The following KLC1 variants were observed in gnomAD, a reference collection of about 807,000 sequenced individuals.
KLC1 encodes kinesin 2 60/70kDa.
A neutral mutation model predicts 84.2 loss-of-function variants in KLC1; 30 were observed. The ratio of observed to expected loss-of-function variants is 0.36; its 90% confidence interval spans 0.27 to 0.48. KLC1 has a LOEUF of 0.48. KLC1 is among the 20% of genes least tolerant of loss of function. The probability of loss-of-function intolerance (pLI) is 0.99; values close to 1 mark genes in which losing one functional copy is unlikely to be tolerated. For missense variants in KLC1, 499 were observed against 805.4 expected (o/e 0.62, Z 4.60); for synonymous variants, 289 against 293.3 (o/e 0.99, Z 0.15).
Position 103,669,544 on chromosome 14 carries a change from A to C in KLC1, c.831A>C (p.Leu277=), listed in dbSNP as rs764002704. The C allele has an allele frequency of 1.9e-6, 3 of 1,612,826 alleles. No individual in the cohort carries two copies. In the Admixed American group the frequency reaches 5.0e-5, roughly 27 times the overall value. Residue 277 remains leucine, a synonymous_variant, in exon 6 of 17, where the codon CTA becomes CTC. Transcript: ENST00000334553. The stretch of plus-strand genomic sequence containing the variant: ...ATAAATACAAAGATGCAGCTAACCT[A>C]CTGAATGATGCCTTGGCTATTCGTG... ...DQNKYKDAAN[L]LNDALAIREK...
intron 13 of KLC1, chr14:103,685,020 T>C: frequency 7.0e-7 from 1 of 1,419,334 alleles, no homozygotes; most frequent in African/African-American, 1.4e-5. Context: ...GTTAACTGAC[T>C]TGCTCAGCGT....
chr14:103,651,459 T>TTATTTTATTTTTCC (rs1174358126), intron 1 of KLC1, among the ~76,000 whole-genome samples: 1 of 152,178 alleles, frequency 6.6e-6, no homozygotes, highest in East Asian at 1.9e-4. Flanking sequence ...GAGTTTAACT[T>TTATTTTATTTTTCC]TATTTTATTT....
At chr14:103,638,447 A>G (rs554098434) in intron 1 of KLC1, among the ~76,000 whole-genome samples, 21 of 151,872 alleles carry the variant, frequency 1.4e-4, no homozygotes, top group Admixed American at 1.1e-3. Flanking sequence ...GTGATTTTTA[A>G]TGTATTCTCT....
At position 103,693,090 on chromosome 14, in the gene KLC1, C is replaced by G. The variant is rs1281129819; in HGVS notation, c.1848+665C>G. 6.6e-6 allele frequency among the ~76,000 whole-genome samples: 1 copy of G among 152,242 alleles called. No homozygotes were observed. The highest frequency in any genetic ancestry group is 2.4e-5 in the African/African-American group (1 of 41,468). On this transcript the variant is annotated intron_variant, in intron 15 of 16. Transcript: ENST00000334553. This position sits in a 1 kb window ranked among gnomAD's most constrained non-coding sequence, Gnocchi z 5.1. ...CCTGGGGCCCACCCGGCAGCTCGAG[C>G]TGTTGGGACTTGGCAGTCCCTGCCC...
chr14:103,670,912 C>T (rs1232946919), intron 7 of KLC1, among the ~76,000 whole-genome samples: 2 of 151,078 alleles, frequency 1.3e-5, no homozygotes, highest in Admixed American at 6.6e-5. Flanking sequence ...AGTGAGACCT[C>T]GTCTCTAAAG....
chr14:103,685,581 G>A, intron 13 of KLC1: 2 of 1,289,262 alleles, frequency 1.6e-6, no homozygotes, highest in Non-Finnish European at 2.0e-6. Flanking sequence ...TGCAGAGCCT[G>A]TTGCCTTTCC....
intron 1 of KLC1, among the ~76,000 whole-genome samples, chr14:103,635,903 C>G (rs2077008739): frequency 6.6e-6 from 1 of 152,152 alleles, no homozygotes; most frequent in Admixed American, 6.6e-5. Flanking sequence ...GCGGTATAAG[C>G]TTTGAATCAC....
intron 13 of KLC1, chr14:103,683,473 T>C (rs542904517): frequency 1.3e-5 from 2 of 152,218 alleles, no homozygotes; most frequent in Non-Finnish European, 2.9e-5. Context: ...TGGGTAAAAC[T>C]GGGTCTTCTA....
At chr14:103,633,392 T>G (rs940021863) in intron 1 of KLC1, among the ~76,000 whole-genome samples, 3 of 152,092 alleles carry the variant, frequency 2.0e-5, no homozygotes, top group African/African-American at 7.2e-5. Context: ...CAGTTGCCAC[T>G]TTAGAAAGAG....
intron 7 of KLC1, among the ~76,000 whole-genome samples, chr14:103,671,044 C>T (rs1329981083): frequency 6.6e-6 from 1 of 152,096 alleles, no homozygotes; most frequent in African/African-American, 2.4e-5. Flanking sequence ...GAAGACATGT[C>T]TGAGGACTAG....
intron 5 of KLC1, among the ~76,000 whole-genome samples, chr14:103,665,873 G>C (rs1434670827): frequency 6.6e-6 from 1 of 152,222 alleles, no homozygotes; most frequent in Admixed American, 6.5e-5. Context: ...GCGCCACCCT[G>C]GAGGTGGGGG....
chr14:103,693,932 C>G lies in KLC1; in HGVS notation c.1848+1507C>G, dbSNP rs967542509. The G allele has an allele frequency of 4.1e-6, 5 of 1,230,422 alleles. No individual in the cohort carries two copies. In the African/African-American group the frequency reaches 6.2e-5, roughly 15 times the overall value. 76.2% of individuals were successfully genotyped at this position (1,230,422 alleles called of 1,614,324 possible). On this transcript the variant is annotated intron_variant, in intron 15 of 16. Coordinates refer to ENST00000334553, the MANE Select transcript of KLC1 (RefSeq NM_001394837.1). The surrounding 1 kb of genome is among the most constrained non-coding windows in gnomAD (Gnocchi z 5.1). Reference sequence around the variant, plus strand: ...TGGCTCCTGCTCACGGATGCTGTTGCATTTCCTGCCTGCCACCTTTTTGCC... The same window carrying G: ...TGGCTCCTGCTCACGGATGCTGTTGGATTTCCTGCCTGCCACCTTTTTGCC...
chr14:103,674,715 T>C (rs1489147065), intron 9 of KLC1, among the ~76,000 whole-genome samples: 1 of 152,222 alleles, frequency 6.6e-6, no homozygotes, highest in Non-Finnish European at 1.5e-5. Flanking sequence ...GCACCCGGCC[T>C]TGATTTGTAT....
At chr14:103,640,620 A>G (rs2077414740) in intron 1 of KLC1, among the ~76,000 whole-genome samples, 1 of 152,036 alleles carries the variant, frequency 6.6e-6, no homozygotes, top group South Asian at 2.1e-4. Flanking sequence ...TCGGCCTCCC[A>G]AAGTGCTGGG....
At position 103,694,556 on chromosome 14, in the gene KLC1, C is replaced by A; in HGVS notation, c.1848+2131C>A. ...TGAGGCTGTATTTCTTAGCCGTCCA[C>A]AAACTAGTCCATAGGTAAAGAGCAT... On this transcript the variant is annotated intron_variant, in intron 15 of 16. Coordinates refer to ENST00000334553, the MANE Select transcript of KLC1 (RefSeq NM_001394837.1). The surrounding 1 kb of genome is among the most constrained non-coding windows in gnomAD (Gnocchi z 4.5). 4 of 985,490 alleles carry A rather than the reference C, an allele frequency of 4.1e-6. No homozygotes were observed. The highest frequency in any genetic ancestry group is 4.8e-6 in the Non-Finnish European group (4 of 829,956). The allele number at this position is 985,490 out of a possible 1,614,324, so 61.0% of individuals were successfully genotyped here.
chr14:103,671,950 A>G (rs1264658494), intron 7 of KLC1, among the ~76,000 whole-genome samples: 3 of 152,174 alleles, frequency 2.0e-5, no homozygotes, highest in Non-Finnish European at 2.9e-5. Context: ...ATTCATTCAT[A>G]TATTTACCCT....
intron 1 of KLC1, among the ~76,000 whole-genome samples, chr14:103,631,242 G>A (rs8021904): frequency 0.59 from 89,255 of 151,834 alleles, 27,762 homozygotes; most frequent in Non-Finnish European, 0.71. Context: ...CACCACGCCC[G>A]GTTAATTTTT....
At chr14:103,689,608 A>G (rs861545) in intron 14 of KLC1, among the ~76,000 whole-genome samples, 89,179 of 151,990 alleles carry the variant, frequency 0.59, 27,719 homozygotes, top group Non-Finnish European at 0.71. Context: ...TGAGTTTCCA[A>G]TTCCTGAGTC....
chr14:103,639,191 C>G (rs922378065), intron 1 of KLC1, among the ~76,000 whole-genome samples: 5 of 152,138 alleles, frequency 3.3e-5, no homozygotes, highest in African/African-American at 1.2e-4. Flanking sequence ...GAGATGGAGT[C>G]TTGCTCTGTT....
Sources: gnomAD v4.1 joint callset for allele counts (sites outside exome capture counted in the v4.1 genomes callset) on GRCh38, gnomAD v4.1.1 for gene constraint, Gnocchi (gnomAD v3.1) non-coding constraint, MANE v1.5 for transcripts, NCBI Gene and HGNC (gene_info 2026-07-23, HGNC 2026-07-21) for gene names.